The following EPB41L2 variants were observed in gnomAD, a reference collection of about 807,000 sequenced individuals.
EPB41L2 encodes band 4.1-like protein 2.
EPB41L2 carries 43 observed loss-of-function variants against 113.0 expected under a neutral mutation model. The ratio of observed to expected loss-of-function variants is 0.38; its 90% CI spans 0.30 to 0.49. EPB41L2 has a LOEUF of 0.49. Among genes scored for constraint, EPB41L2 ranks in the 20% least tolerant of loss-of-function variants. The probability of loss-of-function intolerance (pLI) is 0.95; values close to 1 mark genes in which losing one functional copy is unlikely to be tolerated. For synonymous variants in EPB41L2, 442 were observed against 436.7 expected (o/e 1.01, Z -0.15); for missense variants, 1,147 against 1,223.4 (o/e 0.94, Z 0.93).
At chr6:130,859,155 CTAAT>C (rs758530526) in intron 18 of EPB41L2, among the ~76,000 whole-genome samples, 1 of 152,134 alleles carries the variant, frequency 6.6e-6, no homozygotes, top group Non-Finnish European at 1.5e-5. Flanking sequence ...AATAGCTTTC[CTAAT>C]TATTACTCAT....
chr6:130,948,665 CAT>C (rs779704099), intron 3 of EPB41L2, among the ~76,000 whole-genome samples: 4 of 151,874 alleles, frequency 2.6e-5, no homozygotes, highest in Non-Finnish European at 5.9e-5. Flanking sequence ...ATCTCAAAGA[CAT>C]AAGGATACAA....
At chr6:130,955,410 C>T (rs1200989561) in intron 2 of EPB41L2, 93 bp from the exon 3 acceptor site, 17 of 1,221,054 alleles carry the variant, frequency 1.4e-5, no homozygotes, top group African/African-American at 3.0e-5. Context: ...GAATTAGGAT[C>T]GTTACTTTAA....
At chr6:130,998,962 C>A (rs1297883807) in intron 1 of EPB41L2, among the ~76,000 whole-genome samples, 1 of 152,166 alleles carries the variant, frequency 6.6e-6, no homozygotes, top group Non-Finnish European at 1.5e-5. Context: ...CCTTTTCCAG[C>A]CTTTCTACTC....
At chr6:130,909,586 A>G (rs1206085105) in intron 4 of EPB41L2, among the ~76,000 whole-genome samples, 1 of 152,240 alleles carries the variant, frequency 6.6e-6, no homozygotes, top group Non-Finnish European at 1.5e-5. Flanking sequence ...GGAAGAAAGG[A>G]AGTCAAATTG....
intron 1 of EPB41L2, among the ~76,000 whole-genome samples, chr6:130,985,906 T>G (rs1329754505): frequency 6.6e-6 from 1 of 152,034 alleles, no homozygotes; most frequent in Admixed American, 6.6e-5. Flanking sequence ...CACAGAGGTG[T>G]ACAACCAGCA....
intron 3 of EPB41L2, among the ~76,000 whole-genome samples, chr6:130,949,673 G>T (rs1181360501): frequency 6.6e-6 from 1 of 152,062 alleles, no homozygotes; most frequent in African/African-American, 2.4e-5. Context: ...AATTAAAACT[G>T]AATGGTAATG....
At position 131,018,879 on chromosome 6, in the gene EPB41L2, G is replaced by A. The variant is rs546878316; in HGVS notation, c.-15+44276C>T. On this transcript the variant is annotated intron_variant, in intron 1 of 19. Coordinates refer to ENST00000337057, the MANE Select transcript of EPB41L2 (RefSeq NM_001431.4). The stretch of plus-strand genomic sequence containing the variant: ...ATATTAAGTTTCTAGGCTTGTATCC[G>A]TTCAAATCAGGTTTACTGGTGTAAT... Among the ~76,000 whole-genome samples, 9 of 152,186 alleles carry A rather than the reference G, an allele frequency of 5.9e-5. No homozygotes were observed. In the South Asian group the frequency reaches 6.2e-4, roughly 11 times the overall value.
At chr6:130,963,408 T>A (rs186751927) in intron 1 of EPB41L2, among the ~76,000 whole-genome samples, 2 of 152,298 alleles carry the variant, frequency 1.3e-5, no homozygotes, top group African/African-American at 4.8e-5. Context: ...AAAAACCTAA[T>A]ACTTGAGTTA....
chr6:130,869,824 G>A lies in EPB41L2; in HGVS notation c.2346C>T (p.Arg782=). The A allele has an allele frequency of 2.5e-6, 4 of 1,613,872 alleles. No homozygotes were observed. Among genetic ancestry groups the A allele is most frequent in the Non-Finnish European group, 3.4e-6 (4 of 1,180,008 alleles). ...CCCTCTCTACTACCTTGGCTGCCGG[G>A]CGGGGTTCTTCCTCCACCTCTTCTT... ...EYEEEVEEEP[R]PAAKVVEREE... The change falls in exon 15 of 20, where the codon CGC becomes CGT. Residue 782 remains arginine, a synonymous_variant. Coordinates refer to ENST00000337057, the MANE Select transcript of EPB41L2 (RefSeq NM_001431.4).
At chr6:130,926,932 C>CA (rs1804955842) in intron 3 of EPB41L2, among the ~76,000 whole-genome samples, 1 of 152,122 alleles carries the variant, frequency 6.6e-6, no homozygotes. Context: ...AAGCAAGCAC[C>CA]GTCTGCTTTA....
At chr6:130,856,697 C>A (rs938008924) in intron 19 of EPB41L2, among the ~76,000 whole-genome samples, 4 of 152,194 alleles carry the variant, frequency 2.6e-5, no homozygotes, top group Non-Finnish European at 5.9e-5. Flanking sequence ...TATCTATTGA[C>A]TGTTCAACAT....
chr6:130,932,008 A>G (rs553890852), intron 3 of EPB41L2, among the ~76,000 whole-genome samples: 1 of 152,314 alleles, frequency 6.6e-6, no homozygotes, highest in Non-Finnish European at 1.5e-5. Flanking sequence ...TAAATGAAGT[A>G]TGTTTAAAGT....
chr6:130,871,726 G>A (rs1785757152), intron 14 of EPB41L2, among the ~76,000 whole-genome samples: 1 of 152,088 alleles, frequency 6.6e-6, no homozygotes, highest in Non-Finnish European at 1.5e-5. Flanking sequence ...AAAACTCAGA[G>A]GTTTCTAGAT....
At chr6:130,966,737 C>G (rs568006296) in intron 1 of EPB41L2, among the ~76,000 whole-genome samples, 1 of 152,234 alleles carries the variant, frequency 6.6e-6, no homozygotes, top group South Asian at 2.1e-4. Context: ...TAAGTGAACC[C>G]AGCTTGGTTA....
chr6:130,848,778 C>G (rs1327295973), intron 19 of EPB41L2, among the ~76,000 whole-genome samples: 1 of 152,150 alleles, frequency 6.6e-6, no homozygotes, highest in Non-Finnish European at 1.5e-5. Context: ...TAGTAAAATT[C>G]CCCTCTGATG....
chr6:130,860,594 G>A (rs1486092596), intron 18 of EPB41L2, among the ~76,000 whole-genome samples: 3 of 152,052 alleles, frequency 2.0e-5, no homozygotes, highest in Admixed American at 6.5e-5. Context: ...GTGCAGTGGC[G>A]CGATCTCGGC....
intron 1 of EPB41L2, among the ~76,000 whole-genome samples, chr6:131,011,838 T>C (rs957050741): frequency 6.6e-6 from 1 of 152,168 alleles, no homozygotes; most frequent in Non-Finnish European, 1.5e-5. Context: ...GAATCCAGTG[T>C]ACAGTAAATG....
intron 1 of EPB41L2, among the ~76,000 whole-genome samples, chr6:130,960,229 CACAG>C (rs1818895303): frequency 6.6e-6 from 1 of 151,720 alleles, no homozygotes; most frequent in Admixed American, 6.7e-5. Context: ...CCTACTCAAC[CACAG>C]AGTCCTTGGC....
chr6:131,009,870 A>G (rs1436076346), intron 1 of EPB41L2, among the ~76,000 whole-genome samples: 2 of 152,192 alleles, frequency 1.3e-5, no homozygotes, highest in Non-Finnish European at 2.9e-5. Context: ...ATATGCAACT[A>G]TGTTCTGCCA....
Sources: gnomAD v4.1 joint callset for allele counts (sites outside exome capture counted in the v4.1 genomes callset) on GRCh38, gnomAD v4.1.1 for gene constraint, MANE v1.5 for transcripts, NCBI Gene and HGNC (gene_info 2026-07-23, HGNC 2026-07-21) for gene names.